PFKM: variants seen among roughly 807,000 people sequenced by gnomAD.
The protein encoded by PFKM is ATP-dependent 6-phosphofructokinase, muscle type.
A neutral mutation model predicts 95.5 loss-of-function variants in PFKM; 58 were observed. That is an observed-to-expected ratio of 0.61 (90% CI 0.49 to 0.76). The LOEUF (loss-of-function observed/expected upper bound fraction) is 0.76, where lower values mean the gene tolerates loss of function less well. Among genes scored for constraint, PFKM ranks in the 30% least tolerant of loss-of-function variants. PFKM has a pLI of 0.00. For missense variants in PFKM, 678 were observed against 1,005.4 expected (o/e 0.67, Z 4.40); for synonymous variants, 336 against 357.2 (o/e 0.94, Z 0.67).
chr12:48,110,562 A>G (rs2137566283), intron 3 of PFKM, among the ~76,000 whole-genome samples: 1 of 152,278 alleles, frequency 6.6e-6, no homozygotes, highest in East Asian at 1.9e-4. Context: ...AGAGATGAGC[A>G]CAGAGCTACT....
At chr12:48,143,618 C>T (rs1950770527) in intron 18 of PFKM, 135 bp from the exon 19 acceptor site, 2 of 730,802 alleles carry the variant, frequency 2.7e-6, no homozygotes, top group South Asian at 1.5e-5. Context: ...GAATTAGGCA[C>T]AGTTCAGGCC....
At chr12:48,109,042 A>C (rs1946955444) in intron 3 of PFKM, among the ~76,000 whole-genome samples, 1 of 152,244 alleles carries the variant, frequency 6.6e-6, no homozygotes, top group Non-Finnish European at 1.5e-5. Flanking sequence ...ACTATTTGAA[A>C]TCATTGGGCT....
chr12:48,143,131 T>C (rs1220021804), intron 18 of PFKM, among the ~76,000 whole-genome samples, 185 bp downstream of exon 18: 1 of 152,238 alleles, frequency 6.6e-6, no homozygotes, highest in Non-Finnish European at 1.5e-5. Context: ...CCGCAGCTAC[T>C]GTTGTTGGAA....
At chr12:48,143,428 CTG>C (rs1231461097) in intron 18 of PFKM, among the ~76,000 whole-genome samples, 1 of 152,176 alleles carries the variant, frequency 6.6e-6, no homozygotes, top group Non-Finnish European at 1.5e-5. Flanking sequence ...AACACTGACA[CTG>C]TGACCACAAG....
intron 17 of PFKM, 92 bp from the exon 18 acceptor site, chr12:48,142,690 G>A: frequency 5.7e-6 from 7 of 1,227,642 alleles, no homozygotes; most frequent in Non-Finnish European, 8.4e-6. Context: ...GGAGAATATA[G>A]TTCCAGGGTT....
At chr12:48,137,130 C>T (rs1045033522) in intron 10 of PFKM, among the ~76,000 whole-genome samples, 6 of 150,728 alleles carry the variant, frequency 4.0e-5, no homozygotes, top group African/African-American at 7.3e-5. Context: ...GGTGCAATCT[C>T]GGCTCACTGC....
intron 13 of PFKM, 91 bp downstream of exon 13, chr12:48,140,003 C>A: frequency 1.2e-6 from 1 of 852,550 alleles, no homozygotes. Context: ...ACAACATAAG[C>A]CTTGCCAACT....
chr12:48,127,287 A>G (rs1409875546), intron 2 of PFKM, among the ~76,000 whole-genome samples: 1 of 151,962 alleles, frequency 6.6e-6, no homozygotes, highest in Admixed American at 6.6e-5. Context: ...TCAGGGTTGC[A>G]TTCCTTGCCC....
In PFKM at chr12:48,142,964, G is replaced by A; in HGVS notation, c.1818+18G>A. On this transcript the variant is annotated intron_variant, in intron 18 of 22. Transcript: ENST00000359794. ...ACCTGCAGGTAGCTGGCCACCCAGA[G>A]CCTGCTAGATAGCTCTCCCCTGTCT... 6.2e-7 allele frequency: 1 copy of A among 1,610,842 alleles called. No homozygotes were observed.
At chr12:48,106,996 G>A (rs1946704994) in intron 1 of PFKM, among the ~76,000 whole-genome samples, 1 of 152,188 alleles carries the variant, frequency 6.6e-6, no homozygotes, top group Non-Finnish European at 1.5e-5. Context: ...CAGGCTTTTT[G>A]TCAAGCACCT....
upstream of PFKM, among the ~76,000 whole-genome samples, chr12:48,116,730 T>G (rs1413600449): frequency 6.6e-6 from 1 of 152,180 alleles, no homozygotes; most frequent in African/African-American, 2.4e-5. Context: ...CCACCTGCCT[T>G]GGCCTCCCAA....
At position 48,140,723 on chromosome 12, in the gene PFKM, G is replaced by T; in HGVS notation, c.1193G>T (p.Ser398Ile). 1 of 1,614,134 alleles carries T rather than the reference G, an allele frequency of 6.2e-7. No individual in the cohort carries two copies. Among genetic ancestry groups the T allele is most frequent in the Non-Finnish European group, 8.5e-7 (1 of 1,180,030 alleles). ...TTTTCCCTGCTTCCTCCTGTATAGA[G>T]TGGTTCGCACACAGTGGCTGTGATG... is the stretch of plus-strand genomic sequence containing the variant. ...LAHVRPPVSK[S>I]GSHTVAVMNV... Residue 398 changes from serine to isoleucine, a missense_variant and splice_region_variant, in exon 14 of 23, where the codon AGT (serine) becomes ATT (isoleucine). By Grantham distance (142) the Ser-to-Ile change is moderately radical. Transcript: ENST00000359794.
intron 20 of PFKM, 44 bp downstream of exon 20, chr12:48,144,201 C>A: frequency 7.7e-7 from 1 of 1,301,288 alleles, no homozygotes; most frequent in Non-Finnish European, 1.1e-6. Context: ...GACAGCCATA[C>A]CTGCCAACAG....
rs747625160 is a variant in PFKM, at chr12:48,140,802, G to T, written c.1272G>T (p.Arg424Ser). 3 of 1,614,242 alleles carry T rather than the reference G, an allele frequency of 1.9e-6. No homozygotes were observed. Residue 424 changes from arginine to serine, a missense_variant, in exon 14 of 23, where the codon AGG becomes AGT. Coordinates refer to ENST00000359794, the MANE Select transcript of PFKM (RefSeq NM_000289.6). ...ATGCTGCTGTTCGCTCCACTGTGAG[G>T]ATTGGCCTTATCCAGGGCAACCGAG... is the stretch of plus-strand genomic sequence containing the variant. ...GMNAAVRSTVRIGLIQGNRVL... is the reference protein window; with the variant it reads ...GMNAAVRSTVSIGLIQGNRVL...
At position 48,141,853 on chromosome 12, in the gene PFKM, T is replaced by TCTCTCCCTCCTACCTC; in HGVS notation, c.1500+36_1501-36dup. Reference sequence around the variant, plus strand: ...GTGAGTGCCTGCCACCATTTCTTCCTCTCTCCCTCCTACCTCCTCTCCCTC... The same window carrying TCTCTCCCTCCTACCTC: ...GTGAGTGCCTGCCACCATTTCTTCCTCTCTCCCTCCTACCTCCTCTCCCTCCTACCTCCTCTCCCTC... On this transcript the variant is annotated intron_variant, in intron 16 of 22. Coordinates refer to ENST00000359794, the MANE Select transcript of PFKM (RefSeq NM_000289.6). 3 of 1,613,148 alleles carry TCTCTCCCTCCTACCTC rather than the reference T, an allele frequency of 1.9e-6. No individual in the cohort carries two copies. In the South Asian group the frequency reaches 3.3e-5, roughly 18 times the overall value.
chr12:48,135,372 G>A lies in PFKM; in HGVS notation c.925G>A (p.Asp309Asn). 1 of 1,613,248 alleles carries A rather than the reference G, an allele frequency of 6.2e-7. No individual in the cohort carries two copies. Among genetic ancestry groups the A allele is most frequent in the Non-Finnish European group, 8.5e-7 (1 of 1,179,198 alleles). The change falls in exon 10 of 23, where the codon GAC becomes AAC. Residue 309 changes from aspartate (D) to asparagine (N), a missense_variant. By Grantham distance (23) the Asp-to-Asn change is conservative (BLOSUM62 1). Transcript: ENST00000359794. ...GAGGGGTGGGACGCCATCAGCCTTT[G>A]ACAGAATTCTGGTAAGTCACTGGGC... is the stretch of plus-strand genomic sequence containing the variant. ...VQRGGTPSAF[D>N]RILGSRMGVE...
At chr12:48,117,360 T>C (rs1302233790), upstream of PFKM, among the ~76,000 whole-genome samples, 2 of 152,248 alleles carry the variant, frequency 1.3e-5, no homozygotes, top group Non-Finnish European at 2.9e-5. Context: ...AGGAGTGCTA[T>C]TGCTGGATCA....
chr12:48,122,369 C>T (rs541656905), intron 1 of PFKM, among the ~76,000 whole-genome samples: 17 of 152,340 alleles, frequency 1.1e-4, no homozygotes, highest in African/African-American at 3.8e-4. Context: ...TCATCTGATT[C>T]CAGCCCTCTG....
At position 48,140,785 on chromosome 12, in the gene PFKM, G is replaced by C. The variant is rs1266995508; in HGVS notation, c.1255G>C (p.Val419Leu). ...TCCGGCTGCAGGCATGAATGCTGCT[G>C]TTCGCTCCACTGTGAGGATTGGCCT... ...GAPAAGMNAA[V>L]RSTVRIGLIQ... is the part of the protein sequence containing the mutation. The change falls in exon 14 of 23, where the codon GTT (valine) becomes CTT (leucine). Residue 419 changes from valine (V) to leucine (L), a missense_variant. Transcript: ENST00000359794. 2 of 1,614,096 alleles carry C rather than the reference G, an allele frequency of 1.2e-6. No individual in the cohort carries two copies. Among genetic ancestry groups the C allele is most frequent in the Non-Finnish European group, 1.7e-6 (2 of 1,180,036 alleles).
Sources: allele counts gnomAD v4.1 joint callset (sites outside exome capture counted in the v4.1 genomes callset), GRCh38; gene constraint gnomAD v4.1.1; transcripts MANE v1.5; gene names NCBI Gene and HGNC (gene_info 2026-07-23, HGNC 2026-07-21).